The following PPP1R13B variants were observed in gnomAD, a reference collection of about 807,000 sequenced individuals.
The protein encoded by PPP1R13B is protein phosphatase 1 regulatory subunit 13B.
In PPP1R13B, 44 loss-of-function variants were observed where a neutral mutation model predicts 119.8. The observed-to-expected ratio is 0.37, with a 90% CI of 0.29 to 0.47. PPP1R13B has a LOEUF of 0.47. PPP1R13B is among the 20% of genes least tolerant of loss of function. The pLI is 0.99. For missense variants in PPP1R13B, 1,227 were observed against 1,413.5 expected, an observed-to-expected ratio of 0.87 and a Z score of 2.12; for synonymous variants, 542 against 561.5, an observed-to-expected ratio of 0.97 and a Z score of 0.49.
intron 1 of PPP1R13B, among the ~76,000 whole-genome samples, chr14:103,826,550 AC>A (rs2086546497): frequency 1.3e-5 from 2 of 152,184 alleles, no homozygotes; most frequent in Admixed American, 6.5e-5. Context: ...TGGTTTTATG[AC>A]AAACTAATAA....
At chr14:103,793,684 C>A (rs1262068124) in intron 2 of PPP1R13B, among the ~76,000 whole-genome samples, 3 of 151,750 alleles carry the variant, frequency 2.0e-5, no homozygotes, top group African/African-American at 7.3e-5. Flanking sequence ...CTTTTAGGAA[C>A]TTTAAATAAG....
intron 4 of PPP1R13B, among the ~76,000 whole-genome samples, chr14:103,777,951 C>T (rs1257871274): frequency 7.0e-6 from 1 of 142,286 alleles, no homozygotes; most frequent in Non-Finnish European, 1.5e-5. Flanking sequence ...GATGCTACCA[C>T]ATCTGACTTT....
intron 1 of PPP1R13B, among the ~76,000 whole-genome samples, chr14:103,838,900 G>T (rs1048819036): frequency 1.6e-4 from 24 of 152,164 alleles, no homozygotes; most frequent in Non-Finnish European, 3.1e-4. Context: ...TAAAGTGAGG[G>T]TCTGCACTCT....
intron 8 of PPP1R13B, 64 bp from the exon 9 acceptor site, chr14:103,746,617 G>T: frequency 7.5e-7 from 1 of 1,332,988 alleles, no homozygotes; most frequent in South Asian, 1.6e-5. Flanking sequence ...TAAGCTTAGT[G>T]CAAGAGACTG....
intron 4 of PPP1R13B, among the ~76,000 whole-genome samples, chr14:103,770,383 C>T (rs372768238): frequency 2.6e-5 from 4 of 152,082 alleles, no homozygotes; most frequent in South Asian, 2.1e-4. Context: ...GGCGTGGTGG[C>T]GCATGCCTGT....
In PPP1R13B at chr14:103,756,740, C is replaced by T. The variant is rs750359978; in HGVS notation, c.456+910G>A. Among the ~76,000 whole-genome samples the T allele has an allele frequency of 1.5e-4, 23 of 151,810 alleles. No homozygotes were observed. The South Asian group carries it at 4.6e-3, about 30-fold the overall frequency. Reference sequence around the variant, plus strand: ...GAGGCAAAAGGAGATAACAAAAGCACCCTTTCTTCCCGATTTCTTTGTTTT... The same window carrying T: ...GAGGCAAAAGGAGATAACAAAAGCATCCTTTCTTCCCGATTTCTTTGTTTT... On this transcript the variant is annotated intron_variant, in intron 5 of 16. Transcript: ENST00000202556.
intron 1 of PPP1R13B, among the ~76,000 whole-genome samples, chr14:103,805,450 A>G (rs2085995534): frequency 6.6e-6 from 1 of 152,096 alleles, no homozygotes; most frequent in African/African-American, 2.4e-5. Flanking sequence ...ACACGTCTAT[A>G]GTCCCAGCTA....
At chr14:103,765,281 A>C (rs1005586284) in intron 4 of PPP1R13B, among the ~76,000 whole-genome samples, 1 of 152,216 alleles carries the variant, frequency 6.6e-6, no homozygotes. Flanking sequence ...GAATCAAAAA[A>C]ATATATATTA....
chr14:103,786,789 G>A (rs34237111), intron 2 of PPP1R13B, among the ~76,000 whole-genome samples: 52,725 of 123,616 alleles, frequency 0.43, 12,039 homozygotes, highest in African/African-American at 0.54. Context: ...AAAAAAAAAA[G>A]GCTGGTCATG....
intron 2 of PPP1R13B, among the ~76,000 whole-genome samples, chr14:103,788,886 G>A (rs2085538798): frequency 6.6e-6 from 1 of 152,100 alleles, no homozygotes; most frequent in African/African-American, 2.4e-5. Flanking sequence ...TGGTCTCTCA[G>A]CCCTGAATGG....
chr14:103,810,132 A>T (rs2086116054), intron 1 of PPP1R13B, among the ~76,000 whole-genome samples: 1 of 151,912 alleles, frequency 6.6e-6, no homozygotes, highest in Non-Finnish European at 1.5e-5. Context: ...CTGTCTCAAA[A>T]TTTTAAAAAG....
chr14:103,808,292 T>C (rs59653383), intron 1 of PPP1R13B, among the ~76,000 whole-genome samples: 3,333 of 151,716 alleles, frequency 0.022, 115 homozygotes, highest in African/African-American at 0.076. Flanking sequence ...CATAACTATG[T>C]GGTATTCGGC....
intron 2 of PPP1R13B, among the ~76,000 whole-genome samples, chr14:103,788,111 CAA>C (rs1283399374): frequency 6.9e-6 from 1 of 145,292 alleles, no homozygotes; most frequent in Admixed American, 6.9e-5. Flanking sequence ...GACCCTGTCT[CAA>C]AAAGAGAAAA....
At chr14:103,796,931 T>C (rs781755102) in intron 2 of PPP1R13B, among the ~76,000 whole-genome samples, 6 of 151,792 alleles carry the variant, frequency 4.0e-5, no homozygotes, top group Admixed American at 2.0e-4. Context: ...CACTCCAGCC[T>C]GTGGGAGAGA....
At chr14:103,791,335 CATCTT>C in intron 2 of PPP1R13B, among the ~76,000 whole-genome samples, 1 of 152,268 alleles carries the variant, frequency 6.6e-6, no homozygotes, top group East Asian at 1.9e-4. Flanking sequence ...GAAACGGTCT[CATCTT>C]AGTTGAAAAT....
chr14:103,772,083 A>T (rs1162178152), intron 4 of PPP1R13B, among the ~76,000 whole-genome samples: 1 of 152,230 alleles, frequency 6.6e-6, no homozygotes, highest in African/African-American at 2.4e-5. Flanking sequence ...GAATGAAACC[A>T]TAACAGTATT....
chr14:103,807,960 G>A (rs2086057710), intron 1 of PPP1R13B, among the ~76,000 whole-genome samples: 1 of 152,060 alleles, frequency 6.6e-6, no homozygotes, highest in African/African-American at 2.4e-5. Flanking sequence ...TTAGTGTAAG[G>A]CTGGGCACAG....
rs76985893 is a variant in PPP1R13B at position 103,753,406 on chromosome 14, C to T, written c.632-210G>A. 6.6e-5 allele frequency among the ~76,000 whole-genome samples: 10 copies of T among 152,146 alleles called. No individual in the cohort carries two copies. In the East Asian group the frequency reaches 9.6e-4, roughly 15 times the overall value. On this transcript the variant is annotated intron_variant, in intron 6 of 16. Coordinates refer to ENST00000202556, the MANE Select transcript of PPP1R13B (RefSeq NM_015316.3). Reference sequence around the variant, plus strand: ...AAACAATTATATTTGCATTAATTCCCGACTATTCTTTAGGGTAATCAGTCC... The same window carrying T: ...AAACAATTATATTTGCATTAATTCCTGACTATTCTTTAGGGTAATCAGTCC...
chr14:103,834,518 T>C (rs1397820318), intron 1 of PPP1R13B, among the ~76,000 whole-genome samples: 3 of 152,010 alleles, frequency 2.0e-5, no homozygotes. Context: ...GTGAACCTTA[T>C]TCTGGTTCTG....
Sources: gnomAD v4.1 joint callset for allele counts (sites outside exome capture counted in the v4.1 genomes callset) on GRCh38, gnomAD v4.1.1 for gene constraint, MANE v1.5 for transcripts, NCBI Gene and HGNC (gene_info 2026-07-23, HGNC 2026-07-21) for gene names.